Variants in DNAH17 observed in about 807,000 individuals in gnomAD.
DNAH17 encodes the protein dynein axonemal heavy chain 17.
In DNAH17, 376 loss-of-function variants were observed where a neutral mutation model predicts 485.6. The observed-to-expected ratio is 0.77, with a 90% CI of 0.71 to 0.84. The LOEUF (loss-of-function observed/expected upper bound fraction) is 0.84. Ranked by LOEUF, DNAH17 falls within the 40% of genes least tolerant of loss-of-function variation. The pLI, the probability that DNAH17 is intolerant of heterozygous loss-of-function variation, is 0.00. For missense variants in DNAH17, 6,370 were observed against 5,839.3 expected, an observed-to-expected ratio of 1.09 and a Z score of -2.96; for synonymous variants, 3,031 against 2,405.9, an observed-to-expected ratio of 1.26 and a Z score of -7.60.
At chr17:78,522,118 A>T (rs56403862) in intron 25 of DNAH17, 5,377 of 156,904 alleles carry the variant, frequency 0.034, 162 homozygotes, top group African/African-American at 0.075. Flanking sequence ...ACATATAAAG[A>T]ACGCTCAAAA....
At chr17:78,442,521 T>C (rs1296609384) in intron 71 of DNAH17, among the ~76,000 whole-genome samples, 1 of 152,208 alleles carries the variant, frequency 6.6e-6, no homozygotes, top group Non-Finnish European at 1.5e-5. Flanking sequence ...TTCCAGAACA[T>C]ATGAAGTCCT....
At chr17:78,529,823 G>A in intron 21 of DNAH17, 129 bp from the exon 22 acceptor site, 1 of 889,634 alleles carries the variant, frequency 1.1e-6, no homozygotes, top group Non-Finnish European at 1.7e-6. Context: ...CCCAGGTGGG[G>A]AGGGAGCGCC....
intron 54 of DNAH17, among the ~76,000 whole-genome samples, chr17:78,472,044 C>A (rs2088776175): frequency 6.6e-6 from 1 of 152,192 alleles, no homozygotes; most frequent in African/African-American, 2.4e-5. Context: ...TCACTGTCAG[C>A]CAAGGACGGC....
intron 62 of DNAH17, among the ~76,000 whole-genome samples, chr17:78,457,352 C>T (rs897351720): frequency 8.6e-5 from 13 of 152,038 alleles, no homozygotes; most frequent in African/African-American, 1.2e-4. Flanking sequence ...GCCTGGGTGA[C>T]GGAGTGAGAC....
intron 35 of DNAH17, chr17:78,500,786 G>A (rs935349137): frequency 4.4e-6 from 1 of 225,394 alleles, no homozygotes; most frequent in African/African-American, 2.3e-5. Flanking sequence ...TGGGATTACA[G>A]GCATGAGCCC....
rs766211603 is a variant in DNAH17 at position 78,485,599 on chromosome 17, C to CA, written c.7433dup (p.Val2479GlyfsTer37). On this transcript the variant is annotated frameshift_variant, in exon 47 of 81. Coordinates refer to ENST00000389840, the MANE Select transcript of DNAH17 (RefSeq NM_173628.4). LOFTEE classifies it high-confidence loss of function. ...AGAAGTTGAAGGGCACAGCCTGCAC[C>CA]AGGTAGTTGTCCGTGTTCAGGCTTT... is the stretch of plus-strand genomic sequence containing the variant. 2 of 1,613,772 alleles carry CA rather than the reference C, an allele frequency of 1.2e-6. No homozygotes were observed. The highest frequency in any genetic ancestry group is 3.3e-5 in the Admixed American group (2 of 59,998).
At position 78,475,403 on chromosome 17, in the gene DNAH17, T is replaced by A. The variant is rs776181780; in HGVS notation, c.8386A>T (p.Asn2796Tyr). 6.2e-7 allele frequency: 1 copy of A among 1,613,762 alleles called. No individual in the cohort carries two copies. The highest frequency in any genetic ancestry group is 1.7e-5 in the Admixed American group (1 of 60,000). The change falls in exon 54 of 81, where the codon AAT becomes TAT. Residue 2796 changes from asparagine (N) to tyrosine (Y), a missense_variant. Physicochemically the swap from Asn to Tyr is moderately radical, Grantham distance 143 (BLOSUM62 -2). Coordinates refer to ENST00000389840, the MANE Select transcript of DNAH17 (RefSeq NM_173628.4). ...CCGCCCACCCCCACCAGCAGGGCAT[T>A]CCCCCGGGGAGACTCCAGGATGCGA... Reference protein sequence around the residue: ...INRILESPRGNALLVGVGGSG... With the variant: ...INRILESPRGYALLVGVGGSG...
chr17:78,489,665 A>T (rs1568140544), intron 44 of DNAH17: 1 of 152,062 alleles, frequency 6.6e-6, no homozygotes, highest in Non-Finnish European at 1.5e-5. Context: ...CCACCTGTGA[A>T]TCCCTCACAT....
Position 78,552,817 on chromosome 17 carries a change from A to C in DNAH17, c.2179-12T>G. The C allele has an allele frequency of 6.3e-7, 1 of 1,584,550 alleles. No homozygotes were observed. The highest frequency in any genetic ancestry group is 1.7e-5 in the Admixed American group (1 of 59,958). On this transcript the variant is annotated splice_polypyrimidine_tract_variant and intron_variant, in intron 14 of 80. Coordinates refer to ENST00000389840, the MANE Select transcript of DNAH17 (RefSeq NM_173628.4). ...ACTATAGTCTTTATCTGAAAAACAG[A>C]GGTGACAGGTTTTGTTCCGAGTCCA...
At chr17:78,549,812 G>A (rs546342468) in intron 16 of DNAH17, among the ~76,000 whole-genome samples, 5 of 152,208 alleles carry the variant, frequency 3.3e-5, no homozygotes, top group East Asian at 1.9e-4. Flanking sequence ...GCTCCCCACC[G>A]CCCAGAGCCT....
chr17:78,503,783 T>A (rs924847446), intron 31 of DNAH17, among the ~76,000 whole-genome samples: 5 of 151,782 alleles, frequency 3.3e-5, no homozygotes, highest in Non-Finnish European at 5.9e-5. Flanking sequence ...CTGGCCAACA[T>A]GGTGAAAACC....
intron 13 of DNAH17, among the ~76,000 whole-genome samples, chr17:78,560,084 G>T (rs558812031): frequency 3.3e-5 from 5 of 152,024 alleles, no homozygotes; most frequent in Non-Finnish European, 7.4e-5. Context: ...TGACTCCCTC[G>T]TGAATGCTAG....
chr17:78,490,573 G>A (rs2089804594), intron 44 of DNAH17, 126 bp downstream of exon 44: 1 of 1,336,268 alleles, frequency 7.5e-7, no homozygotes, highest in Non-Finnish European at 1.0e-6. Flanking sequence ...TGACACTGGT[G>A]CCTGGTGAGG....
intron 14 of DNAH17, among the ~76,000 whole-genome samples, chr17:78,556,329 C>T (rs1207172166): frequency 6.6e-6 from 1 of 152,154 alleles, no homozygotes; most frequent in Non-Finnish European, 1.5e-5. Context: ...AGCCTCTAGA[C>T]GCTGGAAAAG....
In DNAH17 at chr17:78,490,842, G is replaced by A; in HGVS notation, c.6675C>T (p.Leu2225=). Residue 2225 remains leucine, a synonymous_variant, in exon 44 of 81, where the codon CTC becomes CTT. Transcript: ENST00000389840. ...LNTVMDDNKV[L]TLASNERIPL... ...GGATCCGCTCGTTGCTGGCCAGGGTGAGGACCTAGGAGGGGGACAGCAGCC... is the reference window on the plus strand; with the variant it reads ...GGATCCGCTCGTTGCTGGCCAGGGTAAGGACCTAGGAGGGGGACAGCAGCC... 1 of 1,594,532 alleles carries A rather than the reference G, an allele frequency of 6.3e-7. No individual in the cohort carries two copies. The highest frequency in any genetic ancestry group is 8.6e-7 in the Non-Finnish European group (1 of 1,169,418).
intron 6 of DNAH17, 116 bp from the exon 7 acceptor site, chr17:78,570,488 A>C: frequency 7.6e-7 from 1 of 1,314,232 alleles, no homozygotes; most frequent in Non-Finnish European, 1.0e-6. Context: ...GGGTTCCCAA[A>C]GAGGAGGGGA....
chr17:78,494,230 G>A (rs886122450), intron 40 of DNAH17, 57 bp from the exon 41 acceptor site: 24 of 1,568,708 alleles, frequency 1.5e-5, no homozygotes, highest in African/African-American at 4.0e-5. Context: ...CTTTCTTCTC[G>A]CTGGGAGGCT....
At chr17:78,427,560 C>T (rs1364781585) in intron 77 of DNAH17, among the ~76,000 whole-genome samples, 1 of 152,198 alleles carries the variant, frequency 6.6e-6, no homozygotes, top group African/African-American at 2.4e-5. Flanking sequence ...TGATTTCAGT[C>T]ATTAGACTAA....
At chr17:78,506,930 T>C (rs1598610087) in intron 29 of DNAH17, 84 bp from the exon 30 acceptor site, 4 of 1,565,192 alleles carry the variant, frequency 2.6e-6, no homozygotes, top group Non-Finnish European at 3.5e-6. Context: ...CGAAGGAAAC[T>C]GATCATCCTG....
Sources: gnomAD v4.1 joint callset for allele counts (sites outside exome capture counted in the v4.1 genomes callset) on GRCh38, gnomAD v4.1.1 for gene constraint, MANE v1.5 for transcripts, NCBI Gene and HGNC (gene_info 2026-07-23, HGNC 2026-07-21) for gene names.